The following COL12A1 variants were observed in gnomAD, a reference collection of about 807,000 sequenced individuals.
The protein encoded by COL12A1 is collagen type XII alpha 1 chain, also known as collagen alpha-1(XII) chain.
COL12A1 carries 114 observed loss-of-function variants against 349.7 expected under a neutral mutation model. The ratio of observed to expected loss-of-function variants is 0.33; its 90% CI spans 0.28 to 0.38. The LOEUF is 0.38. Ranked by LOEUF, COL12A1 falls within the 10% of genes least tolerant of loss-of-function variation. The probability of loss-of-function intolerance (pLI) is 1.00; values close to 1 mark genes in which losing one functional copy is unlikely to be tolerated. For missense variants in COL12A1, 3,284 were observed against 3,756.9 expected, an observed-to-expected ratio of 0.87 and a Z score of 3.29; for synonymous variants, 1,369 against 1,329.0, an observed-to-expected ratio of 1.03 and a Z score of -0.66.
intron 33 of COL12A1, 49 bp downstream of exon 33, chr6:75,133,809 C>T: frequency 6.2e-7 from 1 of 1,603,986 alleles, no homozygotes; most frequent in South Asian, 1.1e-5. Flanking sequence ...TTAAATCACT[C>T]AGCTACCATT....
At chr6:75,095,602 C>T (rs1362369718) in intron 59 of COL12A1, among the ~76,000 whole-genome samples, 2 of 126,128 alleles carry the variant, frequency 1.6e-5, no homozygotes, top group African/African-American at 3.4e-5. Context: ...CCGGCCTGGG[C>T]GACAGAGCGA....
intron 8 of COL12A1, among the ~76,000 whole-genome samples, chr6:75,186,622 A>G (rs935705999): frequency 1.3e-5 from 2 of 152,234 alleles, no homozygotes; most frequent in Non-Finnish European, 2.9e-5. Context: ...TACTGGGTAT[A>G]TACCCAAGGA....
At chr6:75,097,332 A>T (rs1186008062) in intron 58 of COL12A1, 26 bp from the exon 59 acceptor site, 2 of 1,598,306 alleles carry the variant, frequency 1.3e-6, no homozygotes, top group Admixed American at 3.3e-5. Flanking sequence ...AAGTAATTAC[A>T]GTTAGGGAGG....
At position 75,087,685 on chromosome 6, in the gene COL12A1, G is replaced by C. The variant is rs560180665; in HGVS notation, c.9073C>G (p.Pro3025Ala). Residue 3025 changes from proline (P) to alanine (A), a missense_variant, in exon 65 of 66, where the codon CCC becomes GCC. Physicochemically the swap from Pro to Ala is conservative, Grantham distance 27 (BLOSUM62 -1). Transcript: ENST00000322507. ...CCTGAGTTTCCAGGACGGCCAGGGG[G>C]GCCAGGGGGACCTCTTGAACCTGTG... ...GSTGSRGPPG[P>A]PGRPGNSGIR... 8.1e-6 allele frequency: 13 copies of C among 1,610,242 alleles called. No individual in the cohort carries two copies. In the South Asian group the frequency reaches 1.2e-4, roughly 15 times the overall value.
chr6:75,103,736 T>C (rs767932388), intron 55 of COL12A1, 21 bp downstream of exon 55: 1 of 1,605,910 alleles, frequency 6.2e-7, no homozygotes, highest in East Asian at 2.2e-5. Flanking sequence ...AGAATTTAAA[T>C]GCACTCTAAA....
At chr6:75,128,189 A>G in intron 38 of COL12A1, 107 bp downstream of exon 38, 1 of 917,288 alleles carries the variant, frequency 1.1e-6, no homozygotes, top group Non-Finnish European at 1.5e-6. Flanking sequence ...GTGGTATTTG[A>G]GATGTATTGG....
At chr6:75,174,350 A>C (rs1215457609) in intron 13 of COL12A1, among the ~76,000 whole-genome samples, 2 of 151,996 alleles carry the variant, frequency 1.3e-5, no homozygotes, top group Admixed American at 6.6e-5. Context: ...AGGTCAGGAG[A>C]TCGAGATCAT....
At chr6:75,101,024 C>T (rs1276777452) in intron 58 of COL12A1, among the ~76,000 whole-genome samples, 1 of 152,130 alleles carries the variant, frequency 6.6e-6, no homozygotes, top group African/African-American at 2.4e-5. Flanking sequence ...TTCTTATTAA[C>T]TTATCCTAGA....
chr6:75,119,243 C>T (rs1338612324), intron 45 of COL12A1, 57 bp from the exon 46 acceptor site: 26 of 1,612,130 alleles, frequency 1.6e-5, no homozygotes, highest in Non-Finnish European at 2.2e-5. Context: ...TACCCAAATG[C>T]CATTAGTCAC....
rs765207147 is a variant in COL12A1, at chr6:75,138,870, A to T, written c.5049T>A (p.Ser1683=). 2 of 1,614,136 alleles carry T rather than the reference A, an allele frequency of 1.2e-6. No individual in the cohort carries two copies. The highest frequency in any genetic ancestry group is 2.2e-5 in the South Asian group (2 of 91,090). The change falls in exon 28 of 66, where the codon TCT becomes TCA. Residue 1683 remains serine (S), a synonymous_variant. Transcript: ENST00000322507. ...AAGGTGCCCAAGTTATTCTGTAGAG[A>T]GACACATCTGAAGCTCCATGATCCC... ...GTWDHGASDV[S]LYRITWAPFG...
intron 38 of COL12A1, among the ~76,000 whole-genome samples, chr6:75,127,435 A>T (rs766780578): frequency 2.0e-4 from 31 of 152,186 alleles, no homozygotes; most frequent in Non-Finnish European, 3.7e-4. Context: ...TCATTTAAGC[A>T]CAAAAAGACT....
intron 58 of COL12A1, among the ~76,000 whole-genome samples, chr6:75,098,185 T>G (rs1768141167): frequency 6.6e-6 from 1 of 152,168 alleles, no homozygotes; most frequent in African/African-American, 2.4e-5. Flanking sequence ...TTTTAACACA[T>G]GCTCTCAAGT....
chr6:75,180,974 C>T lies in COL12A1; in HGVS notation c.2129G>A (p.Ser710Asn), dbSNP rs556346504. Residue 710 changes from serine (S) to asparagine (N), a missense_variant, in exon 11 of 66, where the codon AGC (serine) becomes AAC (asparagine). Coordinates refer to ENST00000322507, the MANE Select transcript of COL12A1 (RefSeq NM_004370.6). Reference protein sequence around the residue: ...NVTAEYEDGFSIPLAGEETTE... With the variant: ...NVTAEYEDGFNIPLAGEETTE... ...GGTCTCCTCTCCAGCTAAGGGAATG[C>T]TGAAGCCATCCTCATACTCCGCAGT... 3.1e-6 allele frequency: 5 copies of T among 1,614,002 alleles called. No homozygotes were observed. Among genetic ancestry groups the T allele is most frequent in the Admixed American group, 3.3e-5 (2 of 60,014 alleles).
At chr6:75,099,123 G>A (rs1023020632) in intron 58 of COL12A1, among the ~76,000 whole-genome samples, 4 of 152,140 alleles carry the variant, frequency 2.6e-5, no homozygotes, top group Non-Finnish European at 5.9e-5. Context: ...AGCTCTTCCT[G>A]AATTAACTAT....
intron 44 of COL12A1, among the ~76,000 whole-genome samples, chr6:75,120,887 T>C (rs1304040833): frequency 2.6e-5 from 4 of 152,180 alleles, no homozygotes; most frequent in African/African-American, 9.6e-5. Flanking sequence ...TGCAAAGTAA[T>C]GATAGAGGCA....
At chr6:75,178,700 G>T (rs1352147994) in intron 11 of COL12A1, among the ~76,000 whole-genome samples, 2 of 152,182 alleles carry the variant, frequency 1.3e-5, no homozygotes. Flanking sequence ...AAAGGTCTTT[G>T]TCTTCTCAGT....
chr6:75,155,858 T>A lies in COL12A1; in HGVS notation c.3251-4A>T, dbSNP rs1234085140. ...CTAGGAGACTTAAACCGAGAAGCTGTAAAGACAAAAAGATTTTTAAAATAT... is the reference window on the plus strand; with the variant it reads ...CTAGGAGACTTAAACCGAGAAGCTGAAAAGACAAAAAGATTTTTAAAATAT... On this transcript the variant is annotated splice_region_variant and splice_polypyrimidine_tract_variant and intron_variant, in intron 15 of 65. Transcript: ENST00000322507. 3 of 1,582,774 alleles carry A rather than the reference T, an allele frequency of 1.9e-6. No homozygotes were observed. The highest frequency in any genetic ancestry group is 2.6e-6 in the Non-Finnish European group (3 of 1,170,920).
rs775228759 is a variant in COL12A1 at position 75,152,301 on chromosome 6, G to A, written c.3715+32C>T. On this transcript the variant is annotated intron_variant, in intron 18 of 65. Transcript: ENST00000322507. ...GCATGTGAAAGAGAAAGATAAAAAT[G>A]TCTAAATGGCTCCAATGTTGTCAGA... is the stretch of plus-strand genomic sequence containing the variant. 17 of 1,613,342 alleles carry A rather than the reference G, an allele frequency of 1.1e-5. No individual in the cohort carries two copies. In the East Asian group the frequency reaches 3.8e-4, roughly 36 times the overall value.
chr6:75,181,075 A>G lies in COL12A1; in HGVS notation c.2028T>C (p.Thr676=), dbSNP rs1318149393. Residue 676 remains threonine, a synonymous_variant, in exon 11 of 66, where the codon ACT becomes ACC. Transcript: ENST00000322507. ...TGGTGCTCGATGCTGGCTCCACCAC[A>G]GTGACCTCATCATCCCCAGCCGCTT... The part of the protein sequence containing the change: ...YKEAAGDDEV[T]VVEPASSTSV... 1.9e-6 allele frequency: 3 copies of G among 1,613,998 alleles called. No homozygotes were observed. In the African/African-American group the frequency reaches 4.0e-5, roughly 22 times the overall value.
Sources: allele counts gnomAD v4.1 joint callset (sites outside exome capture counted in the v4.1 genomes callset), GRCh38; gene constraint gnomAD v4.1.1; transcripts MANE v1.5; gene names NCBI Gene and HGNC (gene_info 2026-07-23, HGNC 2026-07-21).